NRIP1: variants seen among roughly 807,000 people sequenced by gnomAD.
NRIP1 encodes the protein nuclear receptor interacting protein 1.
A neutral mutation model predicts 75.0 loss-of-function variants in NRIP1; 28 were observed. That is an observed-to-expected ratio of 0.37 (90% CI 0.28 to 0.51). NRIP1 has a LOEUF of 0.51. Among genes scored for constraint, NRIP1 ranks in the 20% least tolerant of loss-of-function variants. The pLI is 0.92. For missense variants in NRIP1, 1,435 were observed against 1,343.7 expected (o/e 1.07, Z -1.06); for synonymous variants, 526 against 487.6 (o/e 1.08, Z -1.04).
chr21:15,048,241 C>T (rs369040902), intron 1 of NRIP1, among the ~76,000 whole-genome samples: 2 of 152,090 alleles, frequency 1.3e-5, no homozygotes, highest in African/African-American at 4.8e-5. Context: ...AAGACACAAA[C>T]TGAAAACATG....
intron 3 of NRIP1, among the ~76,000 whole-genome samples, chr21:14,993,605 A>AC (rs2147082333): frequency 6.6e-6 from 1 of 152,184 alleles, no homozygotes; most frequent in East Asian, 1.9e-4. Flanking sequence ...ACACAGCGAG[A>AC]CCCCATCTCT....
chr21:14,998,238 G>T (rs190893046), intron 3 of NRIP1, among the ~76,000 whole-genome samples: 1 of 152,100 alleles, frequency 6.6e-6, no homozygotes, highest in Non-Finnish European at 1.5e-5. Context: ...TGTGAATTTT[G>T]GATGGACCTT....
At chr21:14,999,937 A>T (rs185105888) in intron 3 of NRIP1, among the ~76,000 whole-genome samples, 1 of 152,378 alleles carries the variant, frequency 6.6e-6, no homozygotes, top group East Asian at 1.9e-4. Context: ...GATGTTTAAA[A>T]TAATTTGTTG....
intron 2 of NRIP1, among the ~76,000 whole-genome samples, chr21:15,038,336 T>C (rs527640019): frequency 1.3e-5 from 2 of 152,062 alleles, no homozygotes; most frequent in East Asian, 1.9e-4. Context: ...ATACCACCTG[T>C]ATAAAATGAA....
At position 14,966,490 on chromosome 21, in the gene NRIP1, A is replaced by C; in HGVS notation, c.1703T>G (p.Leu568Arg). 1 of 1,613,964 alleles carries C rather than the reference A, an allele frequency of 6.2e-7. No individual in the cohort carries two copies. The highest frequency in any genetic ancestry group is 1.1e-5 in the South Asian group (1 of 91,070). Reference sequence around the variant, plus strand: ...TTTGATGACCAGAGAGTGTTGAGAGAGATTGATGGGAGACCCTGCTTTGCT... The same window carrying C: ...TTTGATGACCAGAGAGTGTTGAGAGCGATTGATGGGAGACCCTGCTTTGCT... ...TSSKAGSPIN[L>R]SQHSLVIKWN... Residue 568 changes from leucine (L) to arginine (R), a missense_variant, in exon 4 of 4, where the codon CTC (leucine) becomes CGC (arginine). Leu to Arg is a moderately radical substitution (Grantham distance 102). Transcript: ENST00000318948.
intron 3 of NRIP1, among the ~76,000 whole-genome samples, chr21:14,974,838 T>C (rs1434139717): frequency 6.6e-6 from 1 of 152,208 alleles, no homozygotes; most frequent in Non-Finnish European, 1.5e-5. Flanking sequence ...CTGGGCGCAG[T>C]GGCTCATGCC....
At chr21:15,062,648 G>A (rs1369233621) in intron 1 of NRIP1, among the ~76,000 whole-genome samples, 1 of 152,104 alleles carries the variant, frequency 6.6e-6, no homozygotes, top group African/African-American at 2.4e-5. Context: ...TCTCTTGGAC[G>A]GGCTTTTGAA....
chr21:14,993,803 T>TAA (rs2087639680), intron 3 of NRIP1, among the ~76,000 whole-genome samples: 1 of 151,992 alleles, frequency 6.6e-6, no homozygotes, highest in East Asian at 1.9e-4. Context: ...AATGACAGTG[T>TAA]ATATACAACG....
At chr21:15,050,652 T>C (rs2089181225) in intron 1 of NRIP1, 1 of 441,268 alleles carries the variant, frequency 2.3e-6, no homozygotes, top group South Asian at 1.6e-5. Context: ...CAGTAAATCC[T>C]ACCCTTAAAG....
intron 1 of NRIP1, among the ~76,000 whole-genome samples, chr21:15,056,203 T>C (rs2089302629): frequency 6.6e-6 from 1 of 152,020 alleles, no homozygotes; most frequent in Admixed American, 6.5e-5. Flanking sequence ...GCCGTAGCTT[T>C]TATCAAATTC....
chr21:15,030,913 CTTT>C (rs2088645954), intron 2 of NRIP1, among the ~76,000 whole-genome samples: 2 of 132,298 alleles, frequency 1.5e-5, no homozygotes, highest in African/African-American at 5.1e-5. Flanking sequence ...ACCACATTCC[CTTT>C]CTATGTGTGT....
In NRIP1 at chr21:14,961,595, A is replaced by G. The variant is rs2086592081; in HGVS notation, c.*3121T>C. 6.6e-6 allele frequency: 1 copy of G among 152,456 alleles called. No individual in the cohort carries two copies. The highest frequency in any genetic ancestry group is 1.5e-5 in the Non-Finnish European group (1 of 67,908). The allele number at this position is 152,456 out of a possible 1,614,324, so 9.4% of individuals were successfully genotyped here. ...AAAAAAATTCTTTAAGACCCTTCGA[A>G]TCAAAGCACATTCTTTCACAAAGCT... On this transcript the variant is annotated 3_prime_UTR_variant, in exon 4 of 4. Coordinates refer to ENST00000318948, the MANE Select transcript of NRIP1 (RefSeq NM_003489.4).
In NRIP1 at chr21:15,010,134, A is replaced by G. The variant is rs183514432; in HGVS notation, c.-335+4210T>C. Reference sequence around the variant, plus strand: ...CTCATATACCTCTAATCCAGAATGAAGAAATTCTAGTTATCTAAATAAAAT... The same window carrying G: ...CTCATATACCTCTAATCCAGAATGAGGAAATTCTAGTTATCTAAATAAAAT... On this transcript the variant is annotated intron_variant, in intron 3 of 3. Transcript: ENST00000318948. Among the ~76,000 whole-genome samples, 315 of 152,316 alleles carry G rather than the reference A, an allele frequency of 2.1e-3. 1 individual carries two copies. The highest frequency in any genetic ancestry group is 7.4e-3 in the African/African-American group (306 of 41,566).
At chr21:15,044,890 A>G (rs1410143874) in intron 1 of NRIP1, among the ~76,000 whole-genome samples, 1 of 152,198 alleles carries the variant, frequency 6.6e-6, no homozygotes, top group East Asian at 1.9e-4. Flanking sequence ...GGTGCAAGGT[A>G]TACAGCTGGT....
intron 3 of NRIP1, among the ~76,000 whole-genome samples, chr21:14,993,926 T>C (rs2087643041): frequency 6.6e-6 from 1 of 152,258 alleles, no homozygotes; most frequent in Admixed American, 6.5e-5. Context: ...CAATTTTCGG[T>C]ATAATACTCA....
chr21:15,025,719 AG>A (rs1423710343), intron 2 of NRIP1, among the ~76,000 whole-genome samples: 3 of 152,200 alleles, frequency 2.0e-5, no homozygotes, highest in African/African-American at 7.2e-5. Context: ...GAGAAGACAC[AG>A]TATCACTTCT....
intron 2 of NRIP1, among the ~76,000 whole-genome samples, chr21:15,029,471 A>G (rs76083627): frequency 0.012 from 1,786 of 152,144 alleles, 31 homozygotes; most frequent in African/African-American, 0.041. Flanking sequence ...AATACCCTCC[A>G]TTCTCCTCTC....
intron 2 of NRIP1, among the ~76,000 whole-genome samples, chr21:15,028,467 A>G (rs1429956964): frequency 6.6e-6 from 1 of 152,198 alleles, no homozygotes; most frequent in Non-Finnish European, 1.5e-5. Flanking sequence ...GTTACAGAGG[A>G]AACAGTCATA....
In NRIP1 at chr21:14,967,562, T is replaced by C; in HGVS notation, c.631A>G (p.Ile211Val). Residue 211 changes from isoleucine (I) to valine (V), a missense_variant, in exon 4 of 4, where the codon ATC becomes GTC. Physicochemically the swap from Ile to Val is conservative, Grantham distance 29 (BLOSUM62 3). Coordinates refer to ENST00000318948, the MANE Select transcript of NRIP1 (RefSeq NM_003489.4). The stretch of plus-strand genomic sequence containing the variant: ...GGAGACTCTGCAAACCTATCTCTGA[T>C]GAGGTTTTTAGTCACATCAGGAAGA... ...TNLPDVTKNL[I>V]RDRFAESPHH... The C allele has an allele frequency of 6.2e-7, 1 of 1,614,184 alleles. No homozygotes were observed. The highest frequency in any genetic ancestry group is 8.5e-7 in the Non-Finnish European group (1 of 1,180,024).
Sources: gnomAD v4.1 joint callset for allele counts (sites outside exome capture counted in the v4.1 genomes callset) on GRCh38, gnomAD v4.1.1 for gene constraint, MANE v1.5 for transcripts, NCBI Gene and HGNC (gene_info 2026-07-23, HGNC 2026-07-21) for gene names.